Variants in ZCCHC8 observed in about 807,000 individuals in gnomAD.
ZCCHC8 encodes zinc finger CCHC-type containing 8.
ZCCHC8 carries 27 observed loss-of-function variants against 70.6 expected under a neutral mutation model. The ratio of observed to expected loss-of-function variants is 0.38; its 90% confidence interval spans 0.28 to 0.53. The LOEUF is 0.53. ZCCHC8 is among the 20% of genes least tolerant of loss of function. The pLI, the probability that ZCCHC8 is intolerant of heterozygous loss-of-function variation, is 0.81. For synonymous variants in ZCCHC8, 293 were observed against 317.4 expected, an observed-to-expected ratio of 0.92 and a Z score of 0.82; for missense variants, 737 against 876.9, an observed-to-expected ratio of 0.84 and a Z score of 2.01.
At position 122,492,586 on chromosome 12, in the gene ZCCHC8, C is replaced by T. The variant is rs546363987; in HGVS notation, c.317+129G>A. The T allele has an allele frequency of 2.7e-5, 18 of 674,876 alleles. No homozygotes were observed. The South Asian group carries it at 3.1e-4, about 12-fold the overall frequency. 41.8% of individuals were successfully genotyped at this position (674,876 alleles called of 1,614,324 possible). On this transcript the variant is annotated intron_variant, in intron 3 of 13. Coordinates refer to ENST00000633063, the MANE Select transcript of ZCCHC8 (RefSeq NM_017612.5). Reference sequence around the variant, plus strand: ...TTGCTCTTAATCATGATTCCTTGTACTTTAACTCCAGGGGCATTTTAAGTA... The same window carrying T: ...TTGCTCTTAATCATGATTCCTTGTATTTTAACTCCAGGGGCATTTTAAGTA...
At chr12:122,492,543 A>G (rs574778161) in intron 3 of ZCCHC8, among the ~76,000 whole-genome samples, 172 bp downstream of exon 3, 10 of 152,340 alleles carry the variant, frequency 6.6e-5, no homozygotes, top group Non-Finnish European at 1.2e-4. Context: ...TATTCAGGTC[A>G]CTGTGACCCC....
rs1957904979 is a variant in ZCCHC8, at chr12:122,500,434, A to G, written c.199+208T>C. The stretch of plus-strand genomic sequence containing the variant: ...GTCTGGTCAGGAGACGGCCTCCCTG[A>G]GGGGAAGAGGTCTGCGCCGAGGCAG... On this transcript the variant is annotated intron_variant, in intron 1 of 13. Coordinates refer to ENST00000633063, the MANE Select transcript of ZCCHC8 (RefSeq NM_017612.5). The surrounding 1 kb of genome is among the most constrained non-coding windows in gnomAD (Gnocchi z 4.8). 3 of 649,320 alleles carry G rather than the reference A, an allele frequency of 4.6e-6. No individual in the cohort carries two copies. The highest frequency in any genetic ancestry group is 7.7e-6 in the Non-Finnish European group (3 of 390,432). 40.2% of individuals were successfully genotyped at this position (649,320 alleles called of 1,614,324 possible). A position where few individuals can be genotyped will look rare whatever the true frequency, so the allele number is the denominator to read the frequency against.
At chr12:122,482,158 A>G in intron 8 of ZCCHC8, 71 bp from the exon 9 acceptor site, 5 of 1,460,128 alleles carry the variant, frequency 3.4e-6, no homozygotes, top group Non-Finnish European at 3.6e-6. Context: ...AAATAAAAAT[A>G]CTTTTTTTTA....
At chr12:122,489,231 T>G (rs1165773173) in intron 5 of ZCCHC8, among the ~76,000 whole-genome samples, 155 bp downstream of exon 5, 1 of 152,244 alleles carries the variant, frequency 6.6e-6, no homozygotes, top group Non-Finnish European at 1.5e-5. Flanking sequence ...AACAGCAAAC[T>G]GAGGCTAAAG....
At chr12:122,484,868 T>C (rs1957603678) in intron 5 of ZCCHC8, among the ~76,000 whole-genome samples, 1 of 152,152 alleles carries the variant, frequency 6.6e-6, no homozygotes, top group Non-Finnish European at 1.5e-5. Flanking sequence ...ATTGACACAA[T>C]TCTTCCTTCC....
chr12:122,482,681 C>T lies in ZCCHC8; in HGVS notation c.686G>A (p.Cys229Tyr). The change falls in exon 8 of 14, where the codon TGT becomes TAT. Residue 229 changes from cysteine to tyrosine, a missense_variant. By Grantham distance (194) the Cys-to-Tyr change is radical. Transcript: ENST00000633063. The part of the protein sequence containing the change: ...QVKAKRPKPH[C>Y]FNCGSEEHQM... The stretch of plus-strand genomic sequence containing the variant: ...GTGTTCTTCAGAACCACAATTGAAA[C>T]AGTGAGGCTTTGGCCTATTTGGTCA... The T allele has an allele frequency of 6.2e-7, 1 of 1,607,138 alleles. No homozygotes were observed. The highest frequency in any genetic ancestry group is 8.5e-7 in the Non-Finnish European group (1 of 1,176,232).
Position 122,483,611 on chromosome 12 carries a change from AC to A in ZCCHC8, c.502-49del. The A allele has an allele frequency of 7.6e-7, 1 of 1,316,246 alleles. No individual in the cohort carries two copies. The highest frequency in any genetic ancestry group is 1.1e-6 in the Non-Finnish European group (1 of 941,732). The allele number at this position is 1,316,246 out of a possible 1,614,324, so 81.5% of individuals were successfully genotyped here. On this transcript the variant is annotated intron_variant, in intron 5 of 13. Coordinates refer to ENST00000633063, the MANE Select transcript of ZCCHC8 (RefSeq NM_017612.5). This position sits in a 1 kb window ranked among gnomAD's most constrained non-coding sequence, Gnocchi z 4.4. The stretch of plus-strand genomic sequence containing the variant: ...TATTGCTATTTAAGCAGAAAAAAAG[AC>A]ATTAAATAATGTAAGATTATGATTA...
intron 13 of ZCCHC8, among the ~76,000 whole-genome samples, chr12:122,477,436 G>A (rs1239082361): frequency 2.0e-5 from 3 of 148,810 alleles, no homozygotes; most frequent in Non-Finnish European, 4.5e-5. Flanking sequence ...TTACAGGCGT[G>A]AGCCACCGCG....
chr12:122,493,892 C>A (rs1406310454), intron 2 of ZCCHC8, among the ~76,000 whole-genome samples: 1 of 152,122 alleles, frequency 6.6e-6, no homozygotes. Flanking sequence ...GGATTACAGG[C>A]GTGAGCCACC....
At position 122,490,694 on chromosome 12, in the gene ZCCHC8, G is replaced by A. The variant is rs12314100; in HGVS notation, c.318-127C>T. ...TTTTTCAGAAGTTTAATAAATCACTGACTCTGTAATACTCAGGAACATATT... is the reference window on the plus strand; with the variant it reads ...TTTTTCAGAAGTTTAATAAATCACTAACTCTGTAATACTCAGGAACATATT... On this transcript the variant is annotated intron_variant, in intron 3 of 13. Transcript: ENST00000633063. 0.018 allele frequency: 9,624 copies of A among 527,376 alleles called. 742 individuals carry two copies. In the African/African-American group the frequency reaches 0.19, roughly 10 times the overall value. 32.7% of individuals were successfully genotyped at this position (527,376 alleles called of 1,614,324 possible).
Position 122,483,824 on chromosome 12 carries a change from G to T in ZCCHC8, c.502-261C>A. On this transcript the variant is annotated intron_variant, in intron 5 of 13. Coordinates refer to ENST00000633063, the MANE Select transcript of ZCCHC8 (RefSeq NM_017612.5). The surrounding 1 kb of genome is among the most constrained non-coding windows in gnomAD (Gnocchi z 4.4). ...TCTCTACAGAATTCAAACAAAAAAT[G>T]AAAACCTTGACTCTCATATTTCCCT... 1 of 345,474 alleles carries T rather than the reference G, an allele frequency of 2.9e-6. No individual in the cohort carries two copies. The highest frequency in any genetic ancestry group is 5.1e-5 in the South Asian group (1 of 19,780). The allele number at this position is 345,474 out of a possible 1,614,324, so 21.4% of individuals were successfully genotyped here.
At chr12:122,482,974 A>C (rs1957566161) in intron 7 of ZCCHC8, 1 of 523,132 alleles carries the variant, frequency 1.9e-6, no homozygotes, top group African/African-American at 1.9e-5. Context: ...CAAGGTGAAC[A>C]CATTGATCAT....
chr12:122,500,877 C>A lies in ZCCHC8; in HGVS notation c.-37G>T. On this transcript the variant is annotated 5_prime_UTR_variant, in exon 1 of 14. Coordinates refer to ENST00000633063, the MANE Select transcript of ZCCHC8 (RefSeq NM_017612.5). The surrounding 1 kb of genome is among the most constrained non-coding windows in gnomAD (Gnocchi z 4.8). The stretch of plus-strand genomic sequence containing the variant: ...GAAAAGATTCGAGAAGAGGCGGAGC[C>A]GGCCACCAGGGCTTGGGGAAGAAGG... 6.5e-7 allele frequency: 1 copy of A among 1,547,194 alleles called. No individual in the cohort carries two copies. Among genetic ancestry groups the A allele is most frequent in the East Asian group, 2.4e-5 (1 of 41,002 alleles).
chr12:122,482,309 ACT>A, intron 8 of ZCCHC8: 1 of 463,930 alleles, frequency 2.2e-6, no homozygotes. Context: ...TTTAGGATAA[ACT>A]CTACAATTTA....
chr12:122,490,364 A>T, intron 4 of ZCCHC8, 98 bp downstream of exon 4: 1 of 929,370 alleles, frequency 1.1e-6, no homozygotes, highest in Non-Finnish European at 1.7e-6. Flanking sequence ...AAACGGTGTT[A>T]ATCATTTTGG....
At chr12:122,477,789 TCA>T in intron 13 of ZCCHC8, 50 bp downstream of exon 13, 1 of 1,134,988 alleles carries the variant, frequency 8.8e-7, no homozygotes, top group Non-Finnish European at 1.3e-6. Flanking sequence ...AGACTCCATC[TCA>T]AAAAAAAAAA....
intron 13 of ZCCHC8, among the ~76,000 whole-genome samples, chr12:122,476,561 T>C (rs1957421318): frequency 6.7e-6 from 1 of 149,644 alleles, no homozygotes; most frequent in Non-Finnish European, 1.5e-5. Context: ...ACCACTGCAC[T>C]CCAGCCTGGG....
chr12:122,472,999 T>TA lies in ZCCHC8; in HGVS notation c.*497dup, dbSNP rs1957344105. On this transcript the variant is annotated 3_prime_UTR_variant, in exon 14 of 14. Transcript: ENST00000633063. ...AGTTACAAAAAAGTAAAAGTATTAC[T>TA]AAAATTGACACATGTAAATCACTTA... is the stretch of plus-strand genomic sequence containing the variant. 6.5e-6 allele frequency: 1 copy of TA among 154,432 alleles called. No individual in the cohort carries two copies. Among genetic ancestry groups the TA allele is most frequent in the Middle Eastern group, 3.4e-3 (1 of 294 alleles). 9.6% of individuals were successfully genotyped at this position (154,432 alleles called of 1,614,324 possible).
chr12:122,490,324 G>T, intron 4 of ZCCHC8, 138 bp downstream of exon 4: 1 of 698,960 alleles, frequency 1.4e-6, no homozygotes, highest in Non-Finnish European at 2.4e-6. Context: ...TCAGGCTTCG[G>T]AAAAGCAAGC....
Sources: gnomAD v4.1 joint callset for allele counts (sites outside exome capture counted in the v4.1 genomes callset) on GRCh38, gnomAD v4.1.1 for gene constraint, Gnocchi (gnomAD v3.1) non-coding constraint, MANE v1.5 for transcripts, NCBI Gene and HGNC (gene_info 2026-07-23, HGNC 2026-07-21) for gene names.